Variants in PDE4D observed in about 807,000 individuals in gnomAD.
PDE4D encodes the protein 3',5'-cyclic-AMP phosphodiesterase 4D.
PDE4D carries 24 observed loss-of-function variants against 87.4 expected under a neutral mutation model. That is an observed-to-expected ratio of 0.27 (90% CI 0.20 to 0.39). The LOEUF (loss-of-function observed/expected upper bound fraction) is 0.39, where lower values mean the gene tolerates loss of function less well. Among genes scored for constraint, PDE4D ranks in the 10% least tolerant of loss-of-function variants. The probability of loss-of-function intolerance (pLI) is 1.00; values close to 1 mark genes in which losing one functional copy is unlikely to be tolerated. For missense variants in PDE4D, 714 were observed against 1,041.0 expected (o/e 0.69, Z 4.32); for synonymous variants, 384 against 383.2 (o/e 1.00, Z -0.02).
chr5:59,829,978 G>A (rs1740938833), intron 1 of PDE4D, among the ~76,000 whole-genome samples: 1 of 147,764 alleles, frequency 6.8e-6, no homozygotes, highest in Non-Finnish European at 1.5e-5. Context: ...AAAATTCTGA[G>A]GTAAGAAGAC....
intron 1 of PDE4D, among the ~76,000 whole-genome samples, chr5:59,732,435 C>T (rs528288346): frequency 7.2e-5 from 11 of 151,936 alleles, no homozygotes; most frequent in South Asian, 6.2e-4. Context: ...CACTCACTCA[C>T]GCACAGAGAG....
At chr5:59,304,318 G>C (rs1002662439) in intron 1 of PDE4D, among the ~76,000 whole-genome samples, 8 of 151,892 alleles carry the variant, frequency 5.3e-5, no homozygotes, top group Admixed American at 1.3e-4. Context: ...AGTTTTCAAG[G>C]TAAATAATCA....
At chr5:60,038,851 G>A (rs911325890) in intron 2 of PDE4D, among the ~76,000 whole-genome samples, 1 of 151,560 alleles carries the variant, frequency 6.6e-6, no homozygotes, top group African/African-American at 2.4e-5. Flanking sequence ...CACCATCACT[G>A]GCCATCAGAG....
chr5:59,133,887 C>T (rs1423913098), intron 5 of PDE4D, among the ~76,000 whole-genome samples: 1 of 152,040 alleles, frequency 6.6e-6, no homozygotes, highest in African/African-American at 2.4e-5. Context: ...AGACAAAAGA[C>T]CTATGCACAG....
chr5:59,022,276 C>G (rs547832194), intron 6 of PDE4D, among the ~76,000 whole-genome samples: 11 of 152,276 alleles, frequency 7.2e-5, no homozygotes, highest in African/African-American at 2.6e-4. Flanking sequence ...CAGCAACGGG[C>G]ATTGGTCAGT....
intron 11 of PDE4D, among the ~76,000 whole-genome samples, chr5:58,977,719 CTG>C (rs1420154877): frequency 1.3e-5 from 2 of 152,076 alleles, no homozygotes; most frequent in Non-Finnish European, 2.9e-5. Context: ...TTCCTGATAA[CTG>C]TGAATTACCT....
chr5:59,585,126 C>T (rs1824891408), intron 1 of PDE4D, among the ~76,000 whole-genome samples: 1 of 152,088 alleles, frequency 6.6e-6, no homozygotes, highest in South Asian at 2.1e-4. Context: ...GGGATAGTAG[C>T]TCTGGTCAGC....
At chr5:60,061,992 C>T (rs575884288) in intron 2 of PDE4D, among the ~76,000 whole-genome samples, 15 of 152,108 alleles carry the variant, frequency 9.9e-5, no homozygotes, top group South Asian at 6.2e-4. Flanking sequence ...ATCCCATTCA[C>T]GACATAGGCA....
chr5:60,229,167 A>G (rs1016813776), intron 1 of PDE4D, among the ~76,000 whole-genome samples: 1 of 152,130 alleles, frequency 6.6e-6, no homozygotes. Flanking sequence ...CTGTAAGACT[A>G]TAATTTAATA....
chr5:59,315,487 G>C (rs1227172354), intron 1 of PDE4D, among the ~76,000 whole-genome samples: 1 of 152,228 alleles, frequency 6.6e-6, no homozygotes, highest in South Asian at 2.1e-4. Context: ...GTTAGGGTAG[G>C]TAGATAGGTG....
intron 1 of PDE4D, among the ~76,000 whole-genome samples, chr5:60,193,683 A>G (rs1212195572): frequency 6.7e-6 from 1 of 149,562 alleles, no homozygotes; most frequent in Non-Finnish European, 1.5e-5. Context: ...AAAAAAAAAA[A>G]AAAAAAAAAG....
intron 5 of PDE4D, among the ~76,000 whole-genome samples, chr5:59,151,746 G>T (rs574428604): frequency 6.6e-6 from 1 of 152,136 alleles, no homozygotes; most frequent in Non-Finnish European, 1.5e-5. Context: ...ATCACAGATG[G>T]GACAGAGTTG....
intron 1 of PDE4D, among the ~76,000 whole-genome samples, chr5:60,200,923 C>T (rs1002224793): frequency 2.6e-4 from 40 of 152,070 alleles, no homozygotes; most frequent in Non-Finnish European, 4.4e-5. Context: ...AAACACTTAA[C>T]ACTGAATCCT....
At chr5:60,307,778 C>G (rs371305190) in intron 1 of PDE4D, among the ~76,000 whole-genome samples, 7 of 151,996 alleles carry the variant, frequency 4.6e-5, no homozygotes, top group African/African-American at 1.7e-4. Context: ...AATGTCCCCA[C>G]AAATTATGCC....
intron 1 of PDE4D, among the ~76,000 whole-genome samples, chr5:59,327,041 C>G (rs1775800254): frequency 6.6e-6 from 1 of 151,398 alleles, no homozygotes; most frequent in Non-Finnish European, 1.5e-5. Flanking sequence ...TAGCACTATT[C>G]TTTATTCTTG....
intron 5 of PDE4D, among the ~76,000 whole-genome samples, chr5:59,079,794 T>C (rs76491112): frequency 0.018 from 2,654 of 146,764 alleles, 86 homozygotes; most frequent in African/African-American, 0.063. Context: ...AAGCTATGAT[T>C]GCATTACACT....
intron 1 of PDE4D, among the ~76,000 whole-genome samples, chr5:59,311,083 A>G (rs1051411004): frequency 2.2e-4 from 33 of 152,172 alleles, no homozygotes; most frequent in Admixed American, 5.9e-4. Context: ...AGGACAGATT[A>G]CCATTAGCAG....
chr5:59,485,550 C>T (rs1197980603), intron 1 of PDE4D, among the ~76,000 whole-genome samples: 1 of 151,854 alleles, frequency 6.6e-6, no homozygotes, highest in Non-Finnish European at 1.5e-5. Flanking sequence ...AGAAAGGCTA[C>T]TACCAAACTT....
At chr5:59,267,796 C>G (rs1169954348) in intron 1 of PDE4D, among the ~76,000 whole-genome samples, 1 of 152,048 alleles carries the variant, frequency 6.6e-6, no homozygotes, top group Non-Finnish European at 1.5e-5. Flanking sequence ...AAGATGCAAT[C>G]CTTGGTGTGC....
Sources: gnomAD v4.1 joint callset for allele counts (sites outside exome capture counted in the v4.1 genomes callset) on GRCh38, gnomAD v4.1.1 for gene constraint, MANE v1.5 for transcripts, NCBI Gene and HGNC (gene_info 2026-07-23, HGNC 2026-07-21) for gene names.